The following MTAP variants were observed in gnomAD, a reference collection of about 807,000 sequenced individuals.
MTAP encodes S-methyl-5'-thioadenosine phosphorylase.
MTAP carries 33 observed loss-of-function variants against 33.6 expected under a neutral mutation model. The observed-to-expected ratio is 0.98, with a 90% CI of 0.74 to 1.31. MTAP has a LOEUF of 1.31. Ranked by LOEUF, MTAP falls within the 40% of genes most tolerant of loss-of-function variation. MTAP has a pLI of 0.00. For missense variants in MTAP, 367 were observed against 360.0 expected (o/e 1.02, Z -0.16); for synonymous variants, 148 against 125.7 (o/e 1.18, Z -1.19).
intron 1 of MTAP, among the ~76,000 whole-genome samples, chr9:21,909,144 C>A (rs997934960): frequency 3.3e-5 from 5 of 152,008 alleles, no homozygotes; most frequent in African/African-American, 1.2e-4. Flanking sequence ...ATTCCTTTAG[C>A]CTAAAAGGAG....
intron 4 of MTAP, among the ~76,000 whole-genome samples, chr9:21,834,879 A>G (rs1825064065): frequency 6.6e-6 from 1 of 152,212 alleles, no homozygotes; most frequent in Non-Finnish European, 1.5e-5. Context: ...ATGTTATTGC[A>G]TCGCAGTCTA....
chr9:21,916,465 C>T (rs1184524097), intron 1 of MTAP, among the ~76,000 whole-genome samples: 3 of 151,992 alleles, frequency 2.0e-5, no homozygotes, highest in African/African-American at 7.2e-5. Context: ...CAAAAATTAG[C>T]TGGGCATGGT....
intron 1 of MTAP, among the ~76,000 whole-genome samples, chr9:21,808,254 C>G (rs926777922): frequency 6.6e-6 from 1 of 152,104 alleles, no homozygotes; most frequent in Non-Finnish European, 1.5e-5. Flanking sequence ...TTTCCTGTTG[C>G]TGCTATAACA....
At chr9:21,840,492 A>G (rs1825216333) in intron 5 of MTAP, among the ~76,000 whole-genome samples, 1 of 152,206 alleles carries the variant, frequency 6.6e-6, no homozygotes, top group South Asian at 2.1e-4. Flanking sequence ...AAAAATCCAG[A>G]TCATGGAGGA....
At chr9:21,855,454 A>G (rs1195653611) in intron 6 of MTAP, among the ~76,000 whole-genome samples, 1 of 152,226 alleles carries the variant, frequency 6.6e-6, no homozygotes, top group Non-Finnish European at 1.5e-5. Flanking sequence ...AGTTGACCAG[A>G]CCAAATATTT....
At chr9:21,918,266 CG>C (rs1818726438) in intron 1 of MTAP, among the ~76,000 whole-genome samples, 1 of 121,040 alleles carries the variant, frequency 8.3e-6, no homozygotes, top group South Asian at 2.6e-4. Flanking sequence ...AGGAGAATGG[CG>C]TGAACCCGGG....
intron 1 of MTAP, among the ~76,000 whole-genome samples, chr9:21,806,965 A>T (rs1824223295): frequency 6.6e-6 from 1 of 152,058 alleles, no homozygotes. Context: ...GAAGTTCAAG[A>T]CCAGCCTGGG....
chr9:21,806,919 T>G (rs1824222155), intron 1 of MTAP, among the ~76,000 whole-genome samples: 3 of 151,956 alleles, frequency 2.0e-5, no homozygotes, highest in African/African-American at 7.3e-5. Context: ...ATCCCAACAC[T>G]TTGGGAGGCC....
chr9:21,849,704 G>A (rs1162910432), intron 5 of MTAP, among the ~76,000 whole-genome samples: 5 of 152,218 alleles, frequency 3.3e-5, no homozygotes, highest in Non-Finnish European at 7.3e-5. Flanking sequence ...GAAAGACGCA[G>A]GGATGGTGAT....
chr9:21,924,279 TC>T (rs549855606), intron 1 of MTAP, among the ~76,000 whole-genome samples: 64 of 152,266 alleles, frequency 4.2e-4, no homozygotes, highest in South Asian at 8.3e-4. Flanking sequence ...TAATCACATC[TC>T]CCTACTACAG....
intron 1 of MTAP, among the ~76,000 whole-genome samples, chr9:21,807,435 C>T (rs1442732877): frequency 6.6e-6 from 1 of 152,154 alleles, no homozygotes; most frequent in East Asian, 1.9e-4. Flanking sequence ...ATCACATGAC[C>T]AACAAGCCTT....
chr9:21,925,330 TC>T (rs1309090983), intron 1 of MTAP, among the ~76,000 whole-genome samples: 1 of 152,164 alleles, frequency 6.6e-6, no homozygotes, highest in African/African-American at 2.4e-5. Context: ...ATTTTTTAAC[TC>T]AGGCAGCCCC....
chr9:21,837,825 A>G, intron 4 of MTAP, 83 bp from the exon 5 acceptor site: 1 of 1,048,032 alleles, frequency 9.5e-7, no homozygotes, highest in Admixed American at 1.9e-5. Flanking sequence ...TGACCTAGAT[A>G]AAGTTGACTC....
At position 21,824,262 on chromosome 9, in the gene MTAP, A is replaced by G. The variant is rs566895103; in HGVS notation, c.347+6060A>G. On this transcript the variant is annotated intron_variant, in intron 4 of 7. Coordinates refer to ENST00000644715, the MANE Select transcript of MTAP (RefSeq NM_002451.4). The stretch of plus-strand genomic sequence containing the variant: ...CTACCTTTGGTCTTTGATGATGGTG[A>G]CATACAGATGTGGTTTTGGTGTGGA... Among the ~76,000 whole-genome samples, 7 of 152,220 alleles carry G rather than the reference A, an allele frequency of 4.6e-5. No individual in the cohort carries two copies. The East Asian group carries it at 1.3e-3, about 29-fold the overall frequency.
At chr9:21,938,429 A>AC (rs940690412), downstream of MTAP, among the ~76,000 whole-genome samples, 2 of 151,784 alleles carry the variant, frequency 1.3e-5, no homozygotes, top group African/African-American at 4.8e-5. Context: ...AGAAAGTGAG[A>AC]CCTTGGAAAA....
chr9:21,928,469 C>G (rs1455970015), intron 1 of MTAP, among the ~76,000 whole-genome samples: 2 of 152,138 alleles, frequency 1.3e-5, no homozygotes, highest in East Asian at 1.9e-4. Context: ...ACCTCTTGGT[C>G]TGTGTAGGTA....
At chr9:21,808,279 A>C (rs1353515387) in intron 1 of MTAP, among the ~76,000 whole-genome samples, 1 of 152,144 alleles carries the variant, frequency 6.6e-6, no homozygotes, top group African/African-American at 2.4e-5. Flanking sequence ...TCACAAATGG[A>C]GTGGCTTAAG....
intron 1 of MTAP, among the ~76,000 whole-genome samples, chr9:21,896,174 C>A (rs946844912): frequency 6.6e-6 from 1 of 152,016 alleles, no homozygotes; most frequent in Admixed American, 6.6e-5. Context: ...GGGTCCATAA[C>A]GAAAGGAAGG....
chr9:21,820,572 TGA>T (rs1173136705), intron 4 of MTAP, among the ~76,000 whole-genome samples: 15 of 152,194 alleles, frequency 9.9e-5, no homozygotes, highest in Admixed American at 4.6e-4. Flanking sequence ...AGTCAGGTAG[TGA>T]GATGCCTCCA....
Sources: allele counts gnomAD v4.1 joint callset (sites outside exome capture counted in the v4.1 genomes callset), GRCh38; gene constraint gnomAD v4.1.1; transcripts MANE v1.5; gene names NCBI Gene and HGNC (gene_info 2026-07-23, HGNC 2026-07-21).